Variants in ZMYM2 observed in about 807,000 individuals in gnomAD.
The protein encoded by ZMYM2 is zinc finger MYM-type protein 2.
ZMYM2 carries 56 observed loss-of-function variants against 162.8 expected under a neutral mutation model. That is an observed-to-expected ratio of 0.34 (90% CI 0.28 to 0.43). The LOEUF (loss-of-function observed/expected upper bound fraction) is 0.43, where lower values mean the gene tolerates loss of function less well. ZMYM2 is among the 20% of genes least tolerant of loss of function. The pLI, the probability that ZMYM2 is intolerant of heterozygous loss-of-function variation, is 1.00. For missense variants in ZMYM2, 1,275 were observed against 1,621.8 expected (o/e 0.79, Z 3.67); for synonymous variants, 510 against 541.6 (o/e 0.94, Z 0.81).
At chr13:19,947,110 C>T in the ZMYM2 span, among the ~76,000 whole-genome samples, 1 of 151,506 alleles carries the variant, frequency 6.6e-6, no homozygotes, top group Non-Finnish European at 1.5e-5. Context: ...GGCGCGATCT[C>T]GGCTCACTGC....
upstream of ZMYM2, among the ~76,000 whole-genome samples, chr13:19,957,811 G>C (rs547302676): frequency 6.6e-6 from 1 of 152,168 alleles, no homozygotes; most frequent in South Asian, 2.1e-4. Context: ...CCCAGCTCCA[G>C]GGGAGCCCGC....
chr13:19,923,786 T>C, the ZMYM2 span, among the ~76,000 whole-genome samples: 12 of 148,998 alleles, frequency 8.1e-5, no homozygotes, highest in Non-Finnish European at 1.5e-4. Context: ...TTCTCCTGCC[T>C]CAGCCTCCTG....
intron 17 of ZMYM2, among the ~76,000 whole-genome samples, chr13:20,061,600 T>G (rs986789392): frequency 6.6e-6 from 1 of 152,064 alleles, no homozygotes; most frequent in Admixed American, 6.6e-5. Context: ...TGTTTTGTTT[T>G]TTTTTTTAGA....
chr13:19,924,355 G>T, the ZMYM2 span, among the ~76,000 whole-genome samples: 1 of 152,084 alleles, frequency 6.6e-6, no homozygotes, highest in South Asian at 2.1e-4. Flanking sequence ...CTTGAGCCCA[G>T]GAGTTCGACA....
chr13:20,075,976 A>AGTACAAGGGCACAGTTTACCAGGAACTAC (rs1957476257), intron 21 of ZMYM2, among the ~76,000 whole-genome samples: 37 of 151,274 alleles, frequency 2.4e-4, no homozygotes, highest in African/African-American at 8.9e-4. Context: ...GATTACAGGC[A>AGTACAAGGGCACAGTTTACCAGGAACTAC]TGAGCCACCA....
intron 6 of ZMYM2, among the ~76,000 whole-genome samples, chr13:20,010,094 A>AT (rs1467821925): frequency 6.6e-6 from 1 of 151,900 alleles, no homozygotes; most frequent in Non-Finnish European, 1.5e-5. Context: ...TAAGCTTTTG[A>AT]TTTTTCTTGT....
chr13:19,885,885 A>ATGTG, the ZMYM2 span, among the ~76,000 whole-genome samples: 2 of 120,022 alleles, frequency 1.7e-5, 1 homozygote, highest in Non-Finnish European at 3.5e-5. Flanking sequence ...ATATACACAT[A>ATGTG]TATATGTGTA....
At chr13:19,903,362 G>T in the ZMYM2 span, among the ~76,000 whole-genome samples, 4 of 150,642 alleles carry the variant, frequency 2.7e-5, no homozygotes, top group African/African-American at 9.8e-5. Flanking sequence ...AAATTTGGCT[G>T]GGCGCAGTGG....
At chr13:20,041,005 G>A (rs915953868) in intron 12 of ZMYM2, among the ~76,000 whole-genome samples, 1 of 152,168 alleles carries the variant, frequency 6.6e-6, no homozygotes, top group African/African-American at 2.4e-5. Flanking sequence ...ATTTACTGAG[G>A]AATGTTTTAT....
chr13:19,908,559 T>C, the ZMYM2 span, among the ~76,000 whole-genome samples: 7 of 152,230 alleles, frequency 4.6e-5, no homozygotes, highest in Admixed American at 3.3e-4. Context: ...TCATCCATTG[T>C]AAAGTTCCCC....
At chr13:19,989,738 A>G (rs376360073) in intron 2 of ZMYM2, among the ~76,000 whole-genome samples, 5 of 152,336 alleles carry the variant, frequency 3.3e-5, no homozygotes, top group African/African-American at 4.8e-5. Context: ...TGTGCTATCA[A>G]ATAATAGGTC....
At position 20,085,883 on chromosome 13, in the gene ZMYM2, A is replaced by C; in HGVS notation, c.4003A>C (p.Thr1335Pro). The C allele has an allele frequency of 1.2e-6, 2 of 1,613,632 alleles. No homozygotes were observed. The highest frequency in any genetic ancestry group is 3.3e-4 in the Middle Eastern group (2 of 6,062). The change falls in exon 25 of 25, where the codon ACA becomes CCA. Residue 1335 changes from threonine (T) to proline (P), a missense_variant. Transcript: ENST00000610343. The part of the protein sequence containing the change: ...FYLQPECSSS[T>P]DSPVWYTSTS... Reference sequence around the variant, plus strand: ...TTTGCAACCAGAATGCTCTAGTTCTACAGATAGCCCTGTCTGGTATACGTC... The same window carrying C: ...TTTGCAACCAGAATGCTCTAGTTCTCCAGATAGCCCTGTCTGGTATACGTC...
chr13:19,965,351 G>C, intron 2 of ZMYM2: 1 of 814,926 alleles, frequency 1.2e-6, no homozygotes, highest in Admixed American at 2.9e-5. Context: ...TTCTAATACT[G>C]GAACAGTTTT....
rs565753356 is a variant in ZMYM2 at position 20,030,300 on chromosome 13, G to A, written c.1852-1019G>A. 2.7e-5 allele frequency among the ~76,000 whole-genome samples: 4 copies of A among 148,534 alleles called. No individual in the cohort carries two copies. In the South Asian group the frequency reaches 8.5e-4, roughly 32 times the overall value. The stretch of plus-strand genomic sequence containing the variant: ...GGCTAGAGTGCAGTGGTGTGATCTC[G>A]GCTCACTGCAACCTCCGCCTCCTGG... On this transcript the variant is annotated intron_variant, in intron 9 of 24. Coordinates refer to ENST00000610343, the MANE Select transcript of ZMYM2 (RefSeq NM_197968.4).
At chr13:20,079,316 C>CAAAAAAAAA (rs1158594782) in intron 21 of ZMYM2, among the ~76,000 whole-genome samples, 31 of 23,164 alleles carry the variant, frequency 1.3e-3, no homozygotes, top group South Asian at 3.5e-3. Flanking sequence ...GACTCTGTCT[C>CAAAAAAAAA]AAAAAAAAAA....
At chr13:20,029,817 A>G (rs1414445804) in intron 9 of ZMYM2, among the ~76,000 whole-genome samples, 3 of 150,024 alleles carry the variant, frequency 2.0e-5, no homozygotes, top group Admixed American at 1.3e-4. Flanking sequence ...TTTTTTTTGG[A>G]GACAGAATCT....
At chr13:19,924,735 A>T in the ZMYM2 span, among the ~76,000 whole-genome samples, 2 of 151,980 alleles carry the variant, frequency 1.3e-5, no homozygotes, top group Non-Finnish European at 2.9e-5. Context: ...GGTTGTGTCC[A>T]CCTCTTGGCT....
At chr13:20,074,702 C>G (rs1359097379) in intron 21 of ZMYM2, among the ~76,000 whole-genome samples, 1 of 152,064 alleles carries the variant, frequency 6.6e-6, no homozygotes, top group African/African-American at 2.4e-5. Context: ...CCACGCCCGG[C>G]TAATTTTTTG....
chr13:20,005,196 C>G lies in ZMYM2; in HGVS notation c.1256C>G (p.Ala419Gly). 6.3e-7 allele frequency: 1 copy of G among 1,584,002 alleles called. No homozygotes were observed. The highest frequency in any genetic ancestry group is 8.5e-7 in the Non-Finnish European group (1 of 1,170,482). The stretch of plus-strand genomic sequence containing the variant: ...GACAAACAGAATCCTACTAAAGGAG[C>G]TCTAAATAAATCAAGATGTACAATC... ...YEDKQNPTKG[A>G]LNKSRCTICG... The change falls in exon 5 of 25, where the codon GCT becomes GGT. Residue 419 changes from alanine to glycine, a missense_variant. Coordinates refer to ENST00000610343, the MANE Select transcript of ZMYM2 (RefSeq NM_197968.4).
Sources: gnomAD v4.1 joint callset for allele counts (sites outside exome capture counted in the v4.1 genomes callset) on GRCh38, gnomAD v4.1.1 for gene constraint, MANE v1.5 for transcripts, NCBI Gene and HGNC (gene_info 2026-07-23, HGNC 2026-07-21) for gene names.